PACRG: variants seen among roughly 807,000 people sequenced by gnomAD.
PACRG encodes parkin coregulated gene protein.
Under a neutral mutation model 29.7 loss-of-function variants are expected in PACRG, and 29 were observed. The observed-to-expected ratio is 0.98, with a 90% CI of 0.73 to 1.33. PACRG has a LOEUF of 1.33. Ranked by LOEUF, PACRG falls within the 40% of genes most tolerant of loss-of-function variation. PACRG has a pLI of 0.00. For synonymous variants in PACRG, 116 were observed against 118.7 expected, an observed-to-expected ratio of 0.98 and a Z score of 0.15; for missense variants, 279 against 316.2, an observed-to-expected ratio of 0.88 and a Z score of 0.89.
intron 4 of PACRG, among the ~76,000 whole-genome samples, chr6:163,154,681 A>T (rs1778239582): frequency 6.6e-6 from 1 of 152,174 alleles, no homozygotes; most frequent in South Asian, 2.1e-4. Flanking sequence ...ACAAGAAATA[A>T]TTTTTTTAAA....
At chr6:163,001,860 A>G (rs1007908169) in intron 2 of PACRG, among the ~76,000 whole-genome samples, 19 of 152,322 alleles carry the variant, frequency 1.2e-4, no homozygotes, top group Admixed American at 9.2e-4. Flanking sequence ...ACATTATTAT[A>G]TACATTTGGC....
chr6:162,947,446 ATAATC>A (rs1232420748), intron 2 of PACRG, among the ~76,000 whole-genome samples: 1 of 33,058 alleles, frequency 3.0e-5, no homozygotes, highest in African/African-American at 6.9e-5. Flanking sequence ...TAAAATATAT[ATAATC>A]ATATATATAA....
chr6:163,167,775 A>T (rs1358862576), intron 4 of PACRG, among the ~76,000 whole-genome samples: 2 of 152,232 alleles, frequency 1.3e-5, no homozygotes, highest in Non-Finnish European at 2.9e-5. Context: ...GAAAAAATTT[A>T]AAGCTCTGTA....
rs532661902 is a variant in PACRG at position 162,803,128 on chromosome 6, A to G, written c.157-11019A>G. ...GCAAGCTTAATGTGAAGAAGGATCA[A>G]ACCCCACTTCACAGTAGGGATGTGG... On this transcript the variant is annotated intron_variant, in intron 1 of 4. Coordinates refer to ENST00000366888, the MANE Select transcript of PACRG (RefSeq NM_001080379.2). 2.6e-5 allele frequency among the ~76,000 whole-genome samples: 4 copies of G among 152,288 alleles called. No homozygotes were observed. In the East Asian group the frequency reaches 7.7e-4, roughly 29 times the overall value.
At chr6:162,834,780 A>G (rs2128399180) in intron 2 of PACRG, among the ~76,000 whole-genome samples, 1 of 152,130 alleles carries the variant, frequency 6.6e-6, no homozygotes, top group East Asian at 1.9e-4. Context: ...CTTTGATGTA[A>G]TGAAACCCAG....
intron 1 of PACRG, among the ~76,000 whole-genome samples, chr6:162,755,728 C>T (rs1198875275): frequency 6.6e-6 from 1 of 152,192 alleles, no homozygotes; most frequent in Non-Finnish European, 1.5e-5. Flanking sequence ...TGAGCCATGG[C>T]ACCTAGCCCT....
At chr6:163,157,473 C>CAGAGCT (rs1463636567) in intron 4 of PACRG, among the ~76,000 whole-genome samples, 1 of 152,234 alleles carries the variant, frequency 6.6e-6, no homozygotes, top group Non-Finnish European at 1.5e-5. Flanking sequence ...TGGTTACCAG[C>CAGAGCT]AGAGCTCCCT....
intron 1 of PACRG, among the ~76,000 whole-genome samples, chr6:162,752,585 C>T (rs1781592134): frequency 6.6e-6 from 1 of 152,096 alleles, no homozygotes; most frequent in Non-Finnish European, 1.5e-5. Flanking sequence ...CCAATGTTTC[C>T]CAAAAGGCAT....
At position 162,826,693 on chromosome 6, in the gene PACRG, C is replaced by T. The variant is rs146187161; in HGVS notation, c.291+12412C>T. ...GGTCAGGCTGGTCTCGAACTCCTGA[C>T]CTCAGGTGATCTGCCTGCCTCAGCC... On this transcript the variant is annotated intron_variant, in intron 2 of 4. Coordinates refer to ENST00000366888, the MANE Select transcript of PACRG (RefSeq NM_001080379.2). Among the ~76,000 whole-genome samples the T allele has an allele frequency of 5.0e-3, 760 of 152,062 alleles. 3 individuals carry two copies. The highest frequency in any genetic ancestry group is 0.017 in the African/African-American group (713 of 41,482).
chr6:162,739,129 A>T (rs986982280), intron 1 of PACRG, among the ~76,000 whole-genome samples: 1 of 152,170 alleles, frequency 6.6e-6, no homozygotes, highest in African/African-American at 2.4e-5. Context: ...AGCTAATGAG[A>T]ATTCTTTTTT....
chr6:162,758,186 G>A (rs1782075471), intron 1 of PACRG, among the ~76,000 whole-genome samples: 3 of 152,078 alleles, frequency 2.0e-5, no homozygotes, highest in Non-Finnish European at 2.9e-5. Flanking sequence ...TTATCTGACA[G>A]CCGTGTAAGA....
At chr6:162,936,384 A>G (rs866420962) in intron 2 of PACRG, among the ~76,000 whole-genome samples, 6 of 152,222 alleles carry the variant, frequency 3.9e-5, no homozygotes, top group Non-Finnish European at 8.8e-5. Flanking sequence ...TTATAAATGT[A>G]TTAACTTAAA....
intron 2 of PACRG, among the ~76,000 whole-genome samples, chr6:163,020,049 C>T (rs1806466779): frequency 2.6e-5 from 4 of 152,144 alleles, no homozygotes; most frequent in Admixed American, 2.6e-4. Flanking sequence ...TTAGAAGATC[C>T]TAATTACAGG....
intron 2 of PACRG, among the ~76,000 whole-genome samples, chr6:162,976,473 C>T (rs1053422556): frequency 1.3e-5 from 2 of 152,002 alleles, no homozygotes; most frequent in Non-Finnish European, 2.9e-5. Context: ...TTGCTGATAC[C>T]CTCCAGGTTC....
chr6:162,875,030 T>C (rs963991378), intron 2 of PACRG, among the ~76,000 whole-genome samples: 2 of 151,918 alleles, frequency 1.3e-5, no homozygotes, highest in Non-Finnish European at 2.9e-5. Context: ...CACACATATG[T>C]ATATTCACAC....
intron 4 of PACRG, among the ~76,000 whole-genome samples, chr6:163,243,624 T>C (rs1782585757): frequency 6.6e-6 from 1 of 152,118 alleles, no homozygotes; most frequent in African/African-American, 2.4e-5. Context: ...GGGTCCTCAG[T>C]CACCACCTAA....
chr6:162,819,245 G>A (rs1787625342), intron 2 of PACRG, among the ~76,000 whole-genome samples: 2 of 152,120 alleles, frequency 1.3e-5, no homozygotes, highest in South Asian at 2.1e-4. Flanking sequence ...TGCCCTATTA[G>A]AGAATATGAA....
At chr6:163,129,521 A>G (rs1177799098) in intron 4 of PACRG, among the ~76,000 whole-genome samples, 1 of 152,158 alleles carries the variant, frequency 6.6e-6, no homozygotes, top group African/African-American at 2.4e-5. Context: ...TCCACTCTAG[A>G]CAGTGCCTAC....
chr6:162,976,562 ACT>A (rs1562796284), intron 2 of PACRG, among the ~76,000 whole-genome samples: 2 of 152,170 alleles, frequency 1.3e-5, no homozygotes, highest in Non-Finnish European at 2.9e-5. Flanking sequence ...TAATAAGATA[ACT>A]CTGGTGTATA....
Sources: gnomAD v4.1 joint callset for allele counts (sites outside exome capture counted in the v4.1 genomes callset) on GRCh38, gnomAD v4.1.1 for gene constraint, MANE v1.5 for transcripts, NCBI Gene and HGNC (gene_info 2026-07-23, HGNC 2026-07-21) for gene names.